Variants in METTL13 observed in about 807,000 individuals in gnomAD.
METTL13 encodes eEF1A lysine and N-terminal methyltransferase.
METTL13 carries 52 observed loss-of-function variants against 67.4 expected under a neutral mutation model. The ratio of observed to expected loss-of-function variants is 0.77; its 90% CI spans 0.62 to 0.97. The LOEUF (loss-of-function observed/expected upper bound fraction) is 0.97. Ranked by LOEUF, METTL13 falls within the 50% of genes least tolerant of loss-of-function variation. The probability of loss-of-function intolerance (pLI) is 0.00; values close to 1 mark genes in which losing one functional copy is unlikely to be tolerated. For synonymous variants in METTL13, 354 were observed against 353.6 expected (o/e 1.00, Z -0.01); for missense variants, 825 against 889.6 (o/e 0.93, Z 0.92).
At chr1:171,788,065 T>A in intron 4 of METTL13, 135 bp downstream of exon 4, 1 of 776,882 alleles carries the variant, frequency 1.3e-6, no homozygotes, top group Non-Finnish European at 2.1e-6. Context: ...AGGGTGTGAA[T>A]AGCTATAAGC....
In METTL13 at chr1:171,782,010, G is replaced by C. The variant is rs764164360; in HGVS notation, c.43G>C (p.Asp15His). 1 of 1,614,170 alleles carries C rather than the reference G, an allele frequency of 6.2e-7. No individual in the cohort carries two copies. Among genetic ancestry groups the C allele is most frequent in the Non-Finnish European group, 8.5e-7 (1 of 1,180,034 alleles). Residue 15 changes from aspartate (D) to histidine (H), a missense_variant, in exon 1 of 8, where the codon GAC (aspartate) becomes CAC (histidine). Physicochemically the swap from Asp to His is moderately conservative, Grantham distance 81. Coordinates refer to ENST00000361735, the MANE Select transcript of METTL13 (RefSeq NM_015935.5). ...PKSSREFGSV[D>H]YWEKFFQQRG... ...AAGTTCCAGGGAGTTTGGCTCCGTTGACTATTGGGAGAAGTTCTTCCAGCA... is the reference window on the plus strand; with the variant it reads ...AAGTTCCAGGGAGTTTGGCTCCGTTCACTATTGGGAGAAGTTCTTCCAGCA...
Position 171,787,903 on chromosome 1 carries a change from A to C in METTL13, c.1282A>C (p.Arg428=). 1 of 1,613,808 alleles carries C rather than the reference A, an allele frequency of 6.2e-7. No individual in the cohort carries two copies. Among genetic ancestry groups the C allele is most frequent in the Admixed American group, 1.7e-5 (1 of 60,024 alleles). ...CAGGAATGTGGTGCAGTCCGAAGCC[A>C]GGTTGCTGAAGGATGTGTCTCACAA... ...SNRNVVQSEA[R]LLKDVSHKAQ... The change falls in exon 4 of 8, where the codon AGG becomes CGG. Residue 428 remains arginine (R), a synonymous_variant. Coordinates refer to ENST00000361735, the MANE Select transcript of METTL13 (RefSeq NM_015935.5).
At chr1:171,790,012 G>T (rs542186274) in intron 4 of METTL13, among the ~76,000 whole-genome samples, 3 of 152,306 alleles carry the variant, frequency 2.0e-5, no homozygotes, top group African/African-American at 7.2e-5. Context: ...TGTACAAGAA[G>T]CATGGTACCA....
Position 171,796,967 on chromosome 1 carries a change from G to A in METTL13, c.*211G>A. 3.2e-6 allele frequency: 2 copies of A among 615,440 alleles called. No homozygotes were observed. The highest frequency in any genetic ancestry group is 4.0e-5 in the South Asian group (2 of 49,628). The allele number at this position is 615,440 out of a possible 1,614,324, so 38.1% of individuals were successfully genotyped here. ...ATCTTGTCCTCTTCAGTACCACTTG[G>A]GTTGGTTTGTCTTTGCTTCCTACAC... On this transcript the variant is annotated 3_prime_UTR_variant, in exon 8 of 8. Coordinates refer to ENST00000361735, the MANE Select transcript of METTL13 (RefSeq NM_015935.5).
intron 1 of METTL13, 31 bp downstream of exon 1, chr1:171,782,151 C>A: frequency 6.3e-7 from 1 of 1,591,776 alleles, no homozygotes; most frequent in Non-Finnish European, 8.6e-7. Flanking sequence ...GCCCTTCGTA[C>A]GTGCTCCGGA....
intron 2 of METTL13, among the ~76,000 whole-genome samples, 196 bp from the exon 3 acceptor site, chr1:171,785,683 C>T (rs1479329675): frequency 1.3e-5 from 2 of 152,190 alleles, no homozygotes; most frequent in African/African-American, 4.8e-5. Flanking sequence ...TTCTTCTCCA[C>T]CCTTGGTCCT....
Position 171,784,285 on chromosome 1 carries a change from T to C in METTL13, c.699T>C (p.Pro233=). The C allele has an allele frequency of 1.9e-6, 3 of 1,612,820 alleles. No homozygotes were observed. The highest frequency in any genetic ancestry group is 1.7e-6 in the Non-Finnish European group (2 of 1,179,210). Residue 233 remains proline (P), a synonymous_variant, in exon 2 of 8, where the codon CCT becomes CCC. Transcript: ENST00000361735. Reference sequence around the variant, plus strand: ...TGTGTGCTCAGGAGCAGCGCAAGCCTGTGCGGCTGGAGAGTGCCGAGCGGC... The same window carrying C: ...TGTGTGCTCAGGAGCAGCGCAAGCCCGTGCGGCTGGAGAGTGCCGAGCGGC... The part of the protein sequence containing the change: ...FELCAQEQRK[P]VRLESAERLA...
intron 6 of METTL13, among the ~76,000 whole-genome samples, 200 bp from the exon 7 acceptor site, chr1:171,794,196 A>G (rs566956434): frequency 6.6e-6 from 1 of 152,190 alleles, no homozygotes; most frequent in South Asian, 2.1e-4. Flanking sequence ...CATCTTTACT[A>G]TGGGACACTC....
rs140637743 is a variant in METTL13 at position 171,797,414 on chromosome 1, T to C, written c.*658T>C. 1.3e-5 allele frequency: 2 copies of C among 152,502 alleles called. No individual in the cohort carries two copies. Among genetic ancestry groups the C allele is most frequent in the African/African-American group, 4.8e-5 (2 of 41,594 alleles). 9.4% of individuals were successfully genotyped at this position (152,502 alleles called of 1,614,324 possible). On this transcript the variant is annotated 3_prime_UTR_variant, in exon 8 of 8. Transcript: ENST00000361735. ...ATGGACCTGGCCCCATGGCTTTGCA[T>C]GTTAGAGACCTGGCAGACTAAAGTC...
At position 171,781,730 on chromosome 1, in the gene METTL13, A is replaced by G. The variant is rs776454438; in HGVS notation, c.-238A>G. The G allele has an allele frequency of 5.8e-5, 76 of 1,312,652 alleles. No individual in the cohort carries two copies. Among genetic ancestry groups the G allele is most frequent in the Non-Finnish European group, 6.8e-5 (69 of 1,020,244 alleles). The allele number at this position is 1,312,652 out of a possible 1,614,324, so 81.3% of individuals were successfully genotyped here. A position where few individuals can be genotyped will look rare whatever the true frequency, so the allele number is the denominator to read the frequency against. On this transcript the variant is annotated 5_prime_UTR_variant, in exon 1 of 8. Coordinates refer to ENST00000361735, the MANE Select transcript of METTL13 (RefSeq NM_015935.5). ...TGAGGGGCTCTTCACGTGGGGAAGG[A>G]ACAGCAGGCGCGGAGGAGGGGGCAA...
Position 171,797,302 on chromosome 1 carries a change from T to G in METTL13, c.*546T>G, listed in dbSNP as rs1253963965. 3.3e-5 allele frequency: 5 copies of G among 153,700 alleles called. No homozygotes were observed. Among genetic ancestry groups the G allele is most frequent in the African/African-American group, 1.2e-4 (5 of 41,466 alleles). 9.5% of individuals were successfully genotyped at this position (153,700 alleles called of 1,614,324 possible). ...ATGGTTCCAATTTTTAGGAATCTGC[T>G]TACCCACTTCATTATTTGACAGCTT... On this transcript the variant is annotated 3_prime_UTR_variant, in exon 8 of 8. Coordinates refer to ENST00000361735, the MANE Select transcript of METTL13 (RefSeq NM_015935.5).
intron 4 of METTL13, among the ~76,000 whole-genome samples, chr1:171,789,408 T>C (rs1657128004): frequency 6.6e-6 from 1 of 152,146 alleles, no homozygotes; most frequent in Non-Finnish European, 1.5e-5. Context: ...ATACTTGTGA[T>C]TTCCTTCTTC....
intron 1 of METTL13, among the ~76,000 whole-genome samples, chr1:171,782,750 T>C (rs1264694857): frequency 6.6e-6 from 1 of 152,154 alleles, no homozygotes; most frequent in African/African-American, 2.4e-5. Flanking sequence ...TTTCAAATAG[T>C]CGTTGAGTGC....
intron 4 of METTL13, 79 bp downstream of exon 4, chr1:171,788,009 T>A: frequency 7.0e-7 from 1 of 1,429,080 alleles, no homozygotes; most frequent in Non-Finnish European, 9.7e-7. Context: ...GGCCGAGATG[T>A]AGGATGGACC....
chr1:171,784,774 AAG>A (rs1383854824), intron 2 of METTL13, among the ~76,000 whole-genome samples: 2 of 152,166 alleles, frequency 1.3e-5, no homozygotes, highest in Non-Finnish European at 2.9e-5. Flanking sequence ...GTTGGTAGGG[AAG>A]AGAGAGAATA....
At chr1:171,795,017 G>A (rs1657322108) in intron 7 of METTL13, among the ~76,000 whole-genome samples, 2 of 152,022 alleles carry the variant, frequency 1.3e-5, no homozygotes, top group African/African-American at 4.8e-5. Flanking sequence ...GTAGAGATAG[G>A]ATCTCAACAT....
rs1245252411 is a variant in METTL13 at position 171,784,334 on chromosome 1, C to G, written c.748C>G (p.Gln250Glu). Reference sequence around the variant, plus strand: ...GCTGGCCGAGGCGGTGCAGGAGCGACAGCAGTATGCCTGGCTGTGCAGCCA... The same window carrying G: ...GCTGGCCGAGGCGGTGCAGGAGCGAGAGCAGTATGCCTGGCTGTGCAGCCA... ...ERLAEAVQER[Q>E]QYAWLCSQLR... Residue 250 changes from glutamine (Q) to glutamate (E), a missense_variant, in exon 2 of 8, where the codon CAG (glutamine) becomes GAG (glutamate). Gln to Glu is a conservative substitution (Grantham distance 29). Transcript: ENST00000361735. 1.9e-6 allele frequency: 3 copies of G among 1,592,120 alleles called. No homozygotes were observed. Among genetic ancestry groups the G allele is most frequent in the Non-Finnish European group, 2.6e-6 (3 of 1,168,400 alleles).
rs531513990 is a variant in METTL13 at position 171,794,026 on chromosome 1, G to A, written c.1694-370G>A. On this transcript the variant is annotated intron_variant, in intron 6 of 7. Coordinates refer to ENST00000361735, the MANE Select transcript of METTL13 (RefSeq NM_015935.5). ...AGGATATTTTATTCTGTTGGTTGGC[G>A]TGTAGTACACATTAGAAGCTTCCCA... 7.2e-5 allele frequency among the ~76,000 whole-genome samples: 11 copies of A among 152,316 alleles called. No homozygotes were observed. The South Asian group carries it at 8.3e-4, about 11-fold the overall frequency.
At position 171,796,615 on chromosome 1, in the gene METTL13, G is replaced by A. The variant is rs745506285; in HGVS notation, c.1959G>A (p.Gln653=). Residue 653 remains glutamine, a synonymous_variant, in exon 8 of 8, where the codon CAG becomes CAA. Transcript: ENST00000361735. ...AAGTGAATGAGATCCTGTTCTGTCA[G>A]CTGCACCCTGAGCAAAAACTTGCCA... is the stretch of plus-strand genomic sequence containing the variant. ...EGEVNEILFC[Q]LHPEQKLATP... The A allele has an allele frequency of 1.2e-6, 2 of 1,614,064 alleles. No individual in the cohort carries two copies. Among genetic ancestry groups the A allele is most frequent in the African/African-American group, 2.7e-5 (2 of 74,924 alleles).
Sources: gnomAD v4.1 joint callset for allele counts (sites outside exome capture counted in the v4.1 genomes callset) on GRCh38, gnomAD v4.1.1 for gene constraint, MANE v1.5 for transcripts, NCBI Gene and HGNC (gene_info 2026-07-23, HGNC 2026-07-21) for gene names.